ZNF81: variants seen among roughly 807,000 people sequenced by gnomAD.
ZNF81 encodes zinc finger protein 81.
Under a neutral mutation model 32.3 loss-of-function variants are expected in ZNF81, and 5 were observed. The ratio of observed to expected loss-of-function variants is 0.15; its 90% CI spans 0.08 to 0.33. The LOEUF (loss-of-function observed/expected upper bound fraction) is 0.33. Among genes scored for constraint, ZNF81 ranks in the 10% least tolerant of loss-of-function variants. The pLI, the probability that ZNF81 is intolerant of heterozygous loss-of-function variation, is 1.00. For synonymous variants in ZNF81, 163 were observed against 166.8 expected (o/e 0.98, Z 0.17); for missense variants, 379 against 479.8 (o/e 0.79, Z 1.96).
At chrX:47,910,438 C>T (rs1477741099) in intron 4 of ZNF81, among the ~76,000 whole-genome samples, 3 of 111,606 alleles carry the variant, frequency 2.7e-5, no homozygotes, top group African/African-American at 9.8e-5. Flanking sequence ...TATGAACAGA[C>T]ACTTCTCAAA....
At chrX:47,843,408 ATTATC>A (rs782682226) in intron 1 of ZNF81, among the ~76,000 whole-genome samples, 9 of 99,391 alleles carry the variant, frequency 9.1e-5, no homozygotes, top group African/African-American at 1.9e-4. Context: ...GATGATGATA[ATTATC>A]TTATGTTATT....
At chrX:47,869,148 C>T (rs1276992685) in intron 2 of ZNF81, among the ~76,000 whole-genome samples, 1 of 112,011 alleles carries the variant, frequency 8.9e-6, no homozygotes, top group Non-Finnish European at 1.9e-5. Flanking sequence ...CCTTTTTTCC[C>T]TCTAAGGATC....
chrX:47,897,776 C>G (rs2058684703), intron 4 of ZNF81, among the ~76,000 whole-genome samples: 1 of 111,737 alleles, frequency 8.9e-6, no homozygotes, highest in Non-Finnish European at 1.9e-5. Flanking sequence ...ATTGAATTTC[C>G]TTGGTATGTT....
intron 4 of ZNF81, among the ~76,000 whole-genome samples, chrX:47,896,471 A>G (rs1262094289): frequency 9.0e-6 from 1 of 111,522 alleles, no homozygotes; most frequent in Non-Finnish European, 1.9e-5. Context: ...TGCCTTTGTA[A>G]GTATCACCTT....
intron 3 of ZNF81, among the ~76,000 whole-genome samples, chrX:47,889,477 G>T (rs782197883): frequency 1.8e-5 from 2 of 112,241 alleles, no homozygotes; most frequent in South Asian, 7.4e-4. Flanking sequence ...GAGATGGGGG[G>T]ACCCATTGCC....
intron 2 of ZNF81, among the ~76,000 whole-genome samples, chrX:47,862,453 G>A (rs1207543578): frequency 1.8e-5 from 2 of 108,390 alleles, no homozygotes; most frequent in African/African-American, 6.7e-5. Context: ...AACCTGGGAG[G>A]CAGAGGTTGC....
In ZNF81 at chrX:47,916,885, G is replaced by T; in HGVS notation, c.*253G>T. ...ATACTGGGAAAAATGTTGTCAGTTT[G>T]GTGTGTTAGGAAAAGCCTTCCTATA... On this transcript the variant is annotated 3_prime_UTR_variant, in exon 5 of 5. Coordinates refer to ENST00000338637, the MANE Select transcript of ZNF81 (RefSeq NM_007137.5). The T allele has an allele frequency of 3.2e-6, 1 of 313,900 alleles. No homozygotes were observed. Among genetic ancestry groups the T allele is most frequent in the Non-Finnish European group, 5.5e-6 (1 of 182,482 alleles). The allele number at this position is 313,900 out of a possible 1,213,427, so 25.9% of individuals were successfully genotyped here.
At chrX:47,852,094 A>G (rs1225177089) in intron 2 of ZNF81, among the ~76,000 whole-genome samples, 5 of 113,002 alleles carry the variant, frequency 4.4e-5, no homozygotes, top group African/African-American at 1.6e-4. Flanking sequence ...CATAAAAGTT[A>G]TGTTTATAGT....
rs781872403 is a variant in ZNF81 at position 47,919,360 on chromosome X, T to C, written c.*2728T>C. On this transcript the variant is annotated 3_prime_UTR_variant, in exon 5 of 5. Coordinates refer to ENST00000338637, the MANE Select transcript of ZNF81 (RefSeq NM_007137.5). ...TTTGTCAAGTCTACTGCTGAACCCA[T>C]TGAAGGCATTCTTCAACTCAGTTAT... 16 of 199,084 alleles carry C rather than the reference T, an allele frequency of 8.0e-5. 1 individual carries two copies. Among genetic ancestry groups the C allele is most frequent in the South Asian group, 8.0e-4 (12 of 14,945 alleles). The allele number at this position is 199,084 out of a possible 1,213,427, so 16.4% of individuals were successfully genotyped here. A position where few individuals can be genotyped will look rare whatever the true frequency, so the allele number is the denominator to read the frequency against.
chrX:47,910,804 C>T (rs660843), intron 4 of ZNF81, among the ~76,000 whole-genome samples: 5,974 of 111,688 alleles, frequency 0.053, 412 homozygotes, highest in African/African-American at 0.18. Context: ...TCATCATTAC[C>T]CAAATCAGGA....
At chrX:47,887,313 A>T (rs1025570771) in intron 2 of ZNF81, among the ~76,000 whole-genome samples, 7 of 112,003 alleles carry the variant, frequency 6.2e-5, no homozygotes, top group Non-Finnish European at 1.1e-4. Flanking sequence ...TAGCCATATA[A>T]ACTTTAACAT....
chrX:47,916,508 A>G lies in ZNF81; in HGVS notation c.1862A>G (p.Asp621Gly). ...ICAECGKAFT[D>G]RSNFNKHQTI... ...GCAGAATGTGGGAAAGCCTTCACTG[A>G]TAGGTCAAATTTCAATAAACATCAG... is the stretch of plus-strand genomic sequence containing the variant. Residue 621 changes from aspartate (D) to glycine (G), a missense_variant, in exon 5 of 5, where the codon GAT becomes GGT. By Grantham distance (94) the Asp-to-Gly change is moderately conservative (BLOSUM62 -1). Around this residue, in one of 2 missense-constraint regions of ZNF81, gnomAD observed 102 missense variants for 173.2 expected, o/e 0.59. Transcript: ENST00000338637. 8.3e-7 allele frequency: 1 copy of G among 1,210,338 alleles called. No individual in the cohort carries two copies. Among genetic ancestry groups the G allele is most frequent in the Non-Finnish European group, 1.1e-6 (1 of 894,667 alleles).
At chrX:47,905,226 T>A (rs1391192158) in intron 4 of ZNF81, among the ~76,000 whole-genome samples, 12 of 61,751 alleles carry the variant, frequency 1.9e-4, no homozygotes, top group Admixed American at 4.9e-4. Context: ...TAATAAAATT[T>A]TAAAAAAATC....
At chrX:47,859,176 TA>T (rs1454402525) in intron 2 of ZNF81, among the ~76,000 whole-genome samples, 1 of 111,574 alleles carries the variant, frequency 9.0e-6, no homozygotes, top group Non-Finnish European at 1.9e-5. Context: ...TTTATAACAT[TA>T]ATTTTATAAA....
At chrX:47,906,294 A>C (rs1196279069) in intron 4 of ZNF81, among the ~76,000 whole-genome samples, 4 of 87,996 alleles carry the variant, frequency 4.5e-5, no homozygotes, top group African/African-American at 1.6e-4. Context: ...TAGAATCCCA[A>C]ATCCACTAGG....
chrX:47,919,217 A>T lies in ZNF81; in HGVS notation c.*2585A>T, dbSNP rs1556891525. ...TGTGTTAGGTAGAAAAATGCTACAG[A>T]TGTCTTCATCCCTGTATATGTGTCC... is the stretch of plus-strand genomic sequence containing the variant. On this transcript the variant is annotated 3_prime_UTR_variant, in exon 5 of 5. Transcript: ENST00000338637. The T allele has an allele frequency of 6.1e-6, 2 of 330,222 alleles. No individual in the cohort carries two copies. Among genetic ancestry groups the T allele is most frequent in the Middle Eastern group, 4.4e-4 (1 of 2,275 alleles). 27.2% of individuals were successfully genotyped at this position (330,222 alleles called of 1,213,427 possible).
intron 2 of ZNF81, among the ~76,000 whole-genome samples, chrX:47,870,969 C>T (rs1395598424): frequency 9.0e-6 from 1 of 111,630 alleles, no homozygotes; most frequent in African/African-American, 3.3e-5. Flanking sequence ...ATAGTACAGC[C>T]CCCCTTCCTT....
chrX:47,884,070 AC>A (rs2058631339), intron 2 of ZNF81, among the ~76,000 whole-genome samples: 1 of 108,617 alleles, frequency 9.2e-6, no homozygotes, highest in Non-Finnish European at 1.9e-5. Context: ...AGATGGTGAA[AC>A]CCTGTCTCTA....
intron 2 of ZNF81, among the ~76,000 whole-genome samples, chrX:47,871,200 A>G (rs2058578834): frequency 1.8e-5 from 2 of 111,850 alleles, no homozygotes; most frequent in African/African-American, 6.5e-5. Flanking sequence ...GAAGCCTCTC[A>G]TAACTCGGAT....
Sources: gnomAD v4.1 joint callset for allele counts (sites outside exome capture counted in the v4.1 genomes callset) on GRCh38, gnomAD v4.1.1 for gene constraint, gnomAD v4.1.1 regional missense constraint, MANE v1.5 for transcripts, NCBI Gene and HGNC (gene_info 2026-07-23, HGNC 2026-07-21) for gene names.